The following FSTL5 variants were observed in gnomAD, a reference collection of about 807,000 sequenced individuals.
FSTL5 encodes follistatin-related protein 5.
Under a neutral mutation model 89.1 loss-of-function variants are expected in FSTL5, and 62 were observed. The observed-to-expected ratio is 0.70, with a 90% CI of 0.57 to 0.86. The LOEUF (loss-of-function observed/expected upper bound fraction) is 0.86, where lower values mean the gene tolerates loss of function less well. Ranked by LOEUF, FSTL5 falls within the 40% of genes least tolerant of loss-of-function variation. The pLI is 0.00. For synonymous variants in FSTL5, 383 were observed against 346.2 expected, an observed-to-expected ratio of 1.11 and a Z score of -1.18; for missense variants, 1,057 against 1,001.6, an observed-to-expected ratio of 1.06 and a Z score of -0.75.
chr4:161,668,598 T>C (rs1394821738), intron 6 of FSTL5, among the ~76,000 whole-genome samples: 1 of 152,152 alleles, frequency 6.6e-6, no homozygotes, highest in African/African-American at 2.4e-5. Context: ...CTTCTAGGCA[T>C]AGATGCAAAA....
At chr4:161,657,784 C>A (rs1445827165) in intron 6 of FSTL5, among the ~76,000 whole-genome samples, 1 of 152,184 alleles carries the variant, frequency 6.6e-6, no homozygotes, top group Non-Finnish European at 1.5e-5. Context: ...ACATATAATT[C>A]AACACACACA....
In FSTL5 at chr4:161,499,226, T is replaced by A. The variant is rs980673258; in HGVS notation, c.1458+790A>T. On this transcript the variant is annotated intron_variant, in intron 12 of 15. Transcript: ENST00000306100. ...TAAAATAAAATAAAATAAAATAAAA[T>A]TCCATGTGCAATTTAAGATTTTTTA... is the stretch of plus-strand genomic sequence containing the variant. 3.9e-5 allele frequency among the ~76,000 whole-genome samples: 6 copies of A among 151,994 alleles called. No individual in the cohort carries two copies. In the South Asian group the frequency reaches 1.2e-3, roughly 31 times the overall value.
chr4:162,161,602 A>G (rs971930828), intron 1 of FSTL5, among the ~76,000 whole-genome samples: 1 of 151,994 alleles, frequency 6.6e-6, no homozygotes, highest in Admixed American at 6.6e-5. Flanking sequence ...AGAATTCCAG[A>G]TATTGGTAGT....
In FSTL5 at chr4:161,651,184, A is replaced by T. The variant is rs889567441; in HGVS notation, c.894+5144T>A. ...AATAAGGCATTTAGCTTTTTCAGAA[A>T]TGTGGGCATACAGAGGATCCAGGAC... is the stretch of plus-strand genomic sequence containing the variant. On this transcript the variant is annotated intron_variant, in intron 7 of 15. Coordinates refer to ENST00000306100, the MANE Select transcript of FSTL5 (RefSeq NM_020116.5). Among the ~76,000 whole-genome samples, 8 of 152,258 alleles carry T rather than the reference A, an allele frequency of 5.3e-5. No homozygotes were observed. The East Asian group carries it at 1.5e-3, about 29-fold the overall frequency.
At chr4:162,079,455 T>C (rs911085071) in intron 2 of FSTL5, among the ~76,000 whole-genome samples, 4 of 151,654 alleles carry the variant, frequency 2.6e-5, no homozygotes, top group African/African-American at 9.7e-5. Flanking sequence ...ATCTATAAAA[T>C]GGTTATGAGC....
At chr4:161,867,387 A>G (rs1229368034) in intron 4 of FSTL5, among the ~76,000 whole-genome samples, 1 of 152,004 alleles carries the variant, frequency 6.6e-6, no homozygotes, top group Non-Finnish European at 1.5e-5. Flanking sequence ...CACTTTCTGC[A>G]TGATGGAAGT....
chr4:161,905,391 T>C (rs1645545143), intron 4 of FSTL5, among the ~76,000 whole-genome samples: 1 of 152,148 alleles, frequency 6.6e-6, no homozygotes, highest in African/African-American at 2.4e-5. Context: ...ACATTGTAGA[T>C]GTTCTGTTTT....
chr4:162,148,937 C>A (rs962407602), intron 1 of FSTL5, among the ~76,000 whole-genome samples: 1 of 152,162 alleles, frequency 6.6e-6, no homozygotes, highest in African/African-American at 2.4e-5. Context: ...ATATGTAAAA[C>A]AAGCCAAGCA....
At chr4:162,053,374 C>T (rs1738443851) in intron 2 of FSTL5, among the ~76,000 whole-genome samples, 1 of 151,752 alleles carries the variant, frequency 6.6e-6, no homozygotes, top group East Asian at 1.9e-4. Context: ...TTTTTAGTAA[C>T]GCCTTAAGGT....
chr4:161,573,203 A>T (rs1223342187), intron 8 of FSTL5, among the ~76,000 whole-genome samples: 2 of 151,876 alleles, frequency 1.3e-5, no homozygotes, highest in Non-Finnish European at 2.9e-5. Flanking sequence ...TGAGTCAAAG[A>T]GTTTCGGACC....
chr4:161,861,354 A>G (rs1406883990), intron 4 of FSTL5, among the ~76,000 whole-genome samples: 1 of 152,080 alleles, frequency 6.6e-6, no homozygotes, highest in Non-Finnish European at 1.5e-5. Context: ...CCCGGGAGGC[A>G]GAGGTGGCAG....
intron 4 of FSTL5, among the ~76,000 whole-genome samples, chr4:161,891,615 G>A (rs886521978): frequency 7.2e-5 from 11 of 152,078 alleles, no homozygotes; most frequent in Non-Finnish European, 1.2e-4. Flanking sequence ...GAATCAGTAA[G>A]TGACAAATGT....
intron 6 of FSTL5, among the ~76,000 whole-genome samples, chr4:161,731,445 C>A (rs899955351): frequency 6.6e-6 from 1 of 151,952 alleles, no homozygotes; most frequent in Non-Finnish European, 1.5e-5. Context: ...TGAGTTCTCA[C>A]GAGATCTGAT....
At chr4:161,669,776 A>G (rs568823960) in intron 6 of FSTL5, among the ~76,000 whole-genome samples, 9 of 152,262 alleles carry the variant, frequency 5.9e-5, no homozygotes, top group African/African-American at 2.2e-4. Flanking sequence ...TTTATTTTTC[A>G]TAGATACTAA....
chr4:161,661,678 T>A (rs1341197728), intron 6 of FSTL5, among the ~76,000 whole-genome samples: 2 of 152,188 alleles, frequency 1.3e-5, no homozygotes, highest in Non-Finnish European at 2.9e-5. Context: ...TTCATAAATT[T>A]ATTATGATGA....
chr4:161,800,600 GCTAA>G (rs1323809888), intron 4 of FSTL5, among the ~76,000 whole-genome samples: 1 of 151,534 alleles, frequency 6.6e-6, no homozygotes, highest in African/African-American at 2.4e-5. Context: ...CTTAAGTAAA[GCTAA>G]CTTTTAATTT....
intron 4 of FSTL5, among the ~76,000 whole-genome samples, chr4:161,823,090 A>C (rs1427999947): frequency 1.3e-5 from 2 of 152,180 alleles, no homozygotes; most frequent in Non-Finnish European, 2.9e-5. Flanking sequence ...GAGGAAGTGC[A>C]TGCTGACTGA....
intron 3 of FSTL5, among the ~76,000 whole-genome samples, chr4:161,929,192 C>T (rs539374639): frequency 6.7e-6 from 1 of 150,354 alleles, no homozygotes; most frequent in African/African-American, 2.4e-5. Context: ...ATATCCAGTG[C>T]TTCAGCACCA....
chr4:161,939,291 T>C (rs953379614), intron 3 of FSTL5, among the ~76,000 whole-genome samples: 2 of 151,954 alleles, frequency 1.3e-5, no homozygotes, highest in Non-Finnish European at 1.5e-5. Context: ...ATTGGAACAG[T>C]GAGCAAAAAA....
Sources: gnomAD v4.1 joint callset for allele counts (sites outside exome capture counted in the v4.1 genomes callset) on GRCh38, gnomAD v4.1.1 for gene constraint, MANE v1.5 for transcripts, NCBI Gene and HGNC (gene_info 2026-07-23, HGNC 2026-07-21) for gene names.